DNMT3B: variants seen among roughly 807,000 people sequenced by gnomAD.
The protein encoded by DNMT3B is DNA methyltransferase 3 beta, also known as DNA (cytosine-5)-methyltransferase 3B.
Under a neutral mutation model 120.2 loss-of-function variants are expected in DNMT3B, and 37 were observed. The observed-to-expected ratio is 0.31, with a 90% CI of 0.24 to 0.40. The LOEUF is 0.40. DNMT3B is among the 10% of genes least tolerant of loss of function. The pLI is 1.00. For synonymous variants in DNMT3B, 412 were observed against 442.8 expected (o/e 0.93, Z 0.87); for missense variants, 878 against 1,137.3 (o/e 0.77, Z 3.28).
At chr20:32,764,419 T>A (rs1987173928) in intron 1 of DNMT3B, among the ~76,000 whole-genome samples, 1 of 152,152 alleles carries the variant, frequency 6.6e-6, no homozygotes, top group Non-Finnish European at 1.5e-5. Flanking sequence ...CTGTACTTAA[T>A]AACGAATAGC....
At chr20:32,773,837 G>A (rs1436304478) in intron 1 of DNMT3B, among the ~76,000 whole-genome samples, 1 of 149,996 alleles carries the variant, frequency 6.7e-6, no homozygotes, top group Non-Finnish European at 1.5e-5. Flanking sequence ...GTTTTGCTGT[G>A]TTGCCCAGGC....
intron 20 of DNMT3B, among the ~76,000 whole-genome samples, chr20:32,804,478 C>T (rs117283189): frequency 6.6e-6 from 1 of 152,126 alleles, no homozygotes; most frequent in Admixed American, 6.5e-5. Context: ...GCACGGTTCC[C>T]GTTCTCATGT....
chr20:32,799,726 C>G (rs2146039259), intron 16 of DNMT3B, among the ~76,000 whole-genome samples: 1 of 152,286 alleles, frequency 6.6e-6, no homozygotes, highest in East Asian at 1.9e-4. Flanking sequence ...CCACGTTGGT[C>G]AGGTTGGTCT....
chr20:32,764,572 C>T (rs917549202), intron 1 of DNMT3B, among the ~76,000 whole-genome samples: 1 of 152,186 alleles, frequency 6.6e-6, no homozygotes, highest in African/African-American at 2.4e-5. Flanking sequence ...GCAGGAAGAA[C>T]CGCCTTTGTT....
In DNMT3B at chr20:32,786,620, C is replaced by A. The variant is rs1299852823; in HGVS notation, c.425C>A (p.Ala142Asp). Residue 142 changes from alanine to aspartate, a missense_variant, in exon 5 of 23, where the codon GCT (alanine) becomes GAT (aspartate). Ala to Asp is a moderately radical substitution (Grantham distance 126, BLOSUM62 -2). Around this residue, in one of 4 missense-constraint regions of DNMT3B, gnomAD observed 287 missense variants for 306.2 expected, o/e 0.94. Coordinates refer to ENST00000328111, the MANE Select transcript of DNMT3B (RefSeq NM_006892.4). ...HVDESPVEFP[A>D]TRSLRRRATA... ...GACGAGTCCCCCGTGGAGTTCCCGG[C>A]TACCAGGGTTGGTTCCCCAGATGCC... 13 of 1,613,896 alleles carry A rather than the reference C, an allele frequency of 8.1e-6. No homozygotes were observed. The highest frequency in any genetic ancestry group is 1.1e-5 in the Non-Finnish European group (13 of 1,180,040).
chr20:32,806,551 A>G (rs1339138165), intron 22 of DNMT3B, among the ~76,000 whole-genome samples: 2 of 152,198 alleles, frequency 1.3e-5, no homozygotes, highest in African/African-American at 2.4e-5. Context: ...ATTAGGCCAC[A>G]CCATCTGTCT....
chr20:32,797,211 A>G lies in DNMT3B; in HGVS notation c.1402A>G (p.Met468Val). Residue 468 changes from methionine (M) to valine (V), a missense_variant, in exon 14 of 23, where the codon ATG becomes GTG. Physicochemically the swap from Met to Val is conservative, Grantham distance 21. Transcript: ENST00000328111. Reference protein sequence around the residue: ...CRDRFLELFYMYDDDGYQSYC... With the variant: ...CRDRFLELFYVYDDDGYQSYC... ...GGATCGCTTCCTTGAGCTGTTTTACATGTATGATGACGATGGCTATCAGTC... is the reference window on the plus strand; with the variant it reads ...GGATCGCTTCCTTGAGCTGTTTTACGTGTATGATGACGATGGCTATCAGTC... The G allele has an allele frequency of 1.2e-6, 2 of 1,614,136 alleles. No homozygotes were observed. Among genetic ancestry groups the G allele is most frequent in the Non-Finnish European group, 1.7e-6 (2 of 1,180,050 alleles).
rs1424375390 is a variant in DNMT3B at position 32,806,617 on chromosome 20, T to C, written c.2420+290T>C. Reference sequence around the variant, plus strand: ...CCCAACATGCTGGGACACTACGATGTGTGAGAAGCCAGTGAAAGAAAACCC... The same window carrying C: ...CCCAACATGCTGGGACACTACGATGCGTGAGAAGCCAGTGAAAGAAAACCC... On this transcript the variant is annotated intron_variant, in intron 22 of 22. Coordinates refer to ENST00000328111, the MANE Select transcript of DNMT3B (RefSeq NM_006892.4). 4.6e-5 allele frequency among the ~76,000 whole-genome samples: 7 copies of C among 152,196 alleles called. No homozygotes were observed. The East Asian group carries it at 1.3e-3, about 29-fold the overall frequency.
At chr20:32,803,938 G>A (rs928149716) in intron 20 of DNMT3B, among the ~76,000 whole-genome samples, 3 of 152,190 alleles carry the variant, frequency 2.0e-5, no homozygotes, top group African/African-American at 7.2e-5. Flanking sequence ...GATGGAGGCG[G>A]GAATGGGGAG....
intron 20 of DNMT3B, among the ~76,000 whole-genome samples, chr20:32,804,939 G>A (rs1011781073): frequency 1.3e-5 from 2 of 152,102 alleles, no homozygotes; most frequent in African/African-American, 4.8e-5. Flanking sequence ...AATTGTATCA[G>A]GTAGACCCAC....
intron 18 of DNMT3B, 43 bp downstream of exon 18, chr20:32,800,968 A>C: frequency 1.2e-6 from 2 of 1,608,274 alleles, no homozygotes; most frequent in Non-Finnish European, 1.7e-6. Flanking sequence ...AGCCTATGTC[A>C]CCTGACCACT....
At chr20:32,766,680 C>G (rs917823700) in intron 1 of DNMT3B, among the ~76,000 whole-genome samples, 12 of 151,990 alleles carry the variant, frequency 7.9e-5, no homozygotes, top group Admixed American at 1.3e-4. Flanking sequence ...CTCTGCCTCC[C>G]AGGTTCAAGC....
intron 6 of DNMT3B, among the ~76,000 whole-genome samples, chr20:32,788,018 T>C (rs566319773): frequency 3.3e-5 from 5 of 152,280 alleles, no homozygotes; most frequent in Admixed American, 1.3e-4. Context: ...TGTCATCACT[T>C]AAGGCAAGGA....
At position 32,801,255 on chromosome 20, in the gene DNMT3B, G is replaced by T. The variant is rs758094532; in HGVS notation, c.1997-23G>T. ...GCTGGAGGTTTCAAATGAACCCTGC[G>T]CTGTCATCTTTTCTGAGCACAGAGG... On this transcript the variant is annotated intron_variant, in intron 18 of 22. Coordinates refer to ENST00000328111, the MANE Select transcript of DNMT3B (RefSeq NM_006892.4). 47 of 1,613,998 alleles carry T rather than the reference G, an allele frequency of 2.9e-5. No homozygotes were observed. In the South Asian group the frequency reaches 4.6e-4, roughly 16 times the overall value.
chr20:32,787,494 T>C (rs1246407557), intron 6 of DNMT3B, 43 bp downstream of exon 6: 2 of 1,590,188 alleles, frequency 1.3e-6, no homozygotes, highest in Non-Finnish European at 1.7e-6. Context: ...CTGAGGACCC[T>C]GAACACGGGG....
At chr20:32,774,510 T>TG (rs796219536) in intron 1 of DNMT3B, among the ~76,000 whole-genome samples, 1,408 of 129,712 alleles carry the variant, frequency 0.011, 26 homozygotes, top group African/African-American at 0.037. Flanking sequence ...CGCCTGGCCT[T>TG]TTTTTTTTTT....
intron 1 of DNMT3B, chr20:32,779,966 G>A (rs1978375768): frequency 5.9e-6 from 6 of 1,022,236 alleles, no homozygotes; most frequent in South Asian, 2.9e-5. Flanking sequence ...AGAGGCTGGC[G>A]GCAGACGGGC....
intron 19 of DNMT3B, 28 bp downstream of exon 19, chr20:32,801,454 A>G (rs1017259957): frequency 1.2e-6 from 2 of 1,613,310 alleles, no homozygotes; most frequent in Non-Finnish European, 1.7e-6. Context: ...CCTGATTGTC[A>G]CAGACAGCCA....
chr20:32,791,076 A>C (rs539787232), intron 7 of DNMT3B, among the ~76,000 whole-genome samples: 12 of 152,368 alleles, frequency 7.9e-5, no homozygotes, highest in African/African-American at 2.9e-4. Context: ...ATATGGATTA[A>C]ATCACAAGAA....
Sources: allele counts gnomAD v4.1 joint callset (sites outside exome capture counted in the v4.1 genomes callset), GRCh38; gene constraint gnomAD v4.1.1; regional missense constraint gnomAD v4.1.1; transcripts MANE v1.5; gene names NCBI Gene and HGNC (gene_info 2026-07-23, HGNC 2026-07-21).